Variants in PRDM16 observed in about 807,000 individuals in gnomAD.
PRDM16 encodes histone-lysine N-methyltransferase PRDM16.
PRDM16 carries 23 observed loss-of-function variants against 110.6 expected under a neutral mutation model. The ratio of observed to expected loss-of-function variants is 0.21; its 90% CI spans 0.15 to 0.29. PRDM16 has a LOEUF of 0.29. PRDM16 is among the 10% of genes least tolerant of loss of function. The pLI is 1.00. For missense variants in PRDM16, 1,615 were observed against 1,794.3 expected, an observed-to-expected ratio of 0.90 and a Z score of 1.81; for synonymous variants, 799 against 781.8, an observed-to-expected ratio of 1.02 and a Z score of -0.37.
At chr1:3,234,309 C>T (rs962503817) in intron 2 of PRDM16, among the ~76,000 whole-genome samples, 2 of 152,156 alleles carry the variant, frequency 1.3e-5, no homozygotes, top group African/African-American at 4.8e-5. Flanking sequence ...ACAGTCCTGG[C>T]CACAGGTTGG....
chr1:3,128,292 C>G (rs1643253341), intron 1 of PRDM16, among the ~76,000 whole-genome samples: 1 of 149,430 alleles, frequency 6.7e-6, no homozygotes, highest in East Asian at 2.1e-4. Context: ...ACTTTCAACA[C>G]TGGGTGCCTT....
chr1:3,351,460 C>T (rs1326985094), intron 3 of PRDM16, among the ~76,000 whole-genome samples: 3 of 149,062 alleles, frequency 2.0e-5, no homozygotes, highest in Admixed American at 1.3e-4. Context: ...AGGTCTTCTC[C>T]TTCCCATCCC....
At position 3,434,036 on chromosome 1, in the gene PRDM16, G is replaced by A. The variant is rs1638844917; in HGVS notation, c.*225G>A. 3.9e-6 allele frequency: 2 copies of A among 507,652 alleles called. No individual in the cohort carries two copies. The highest frequency in any genetic ancestry group is 2.8e-5 in the South Asian group (1 of 35,712). The allele number at this position is 507,652 out of a possible 1,614,324, so 31.4% of individuals were successfully genotyped here. The stretch of plus-strand genomic sequence containing the variant: ...TCCAAGGATTGGTCTTGAGAACACT[G>A]TTCAGTGACGGCCATGCAGGTGGCC... On this transcript the variant is annotated 3_prime_UTR_variant, in exon 17 of 17. Coordinates refer to ENST00000270722, the MANE Select transcript of PRDM16 (RefSeq NM_022114.4).
chr1:3,115,353 C>T (rs920546275), intron 1 of PRDM16, among the ~76,000 whole-genome samples: 9 of 152,200 alleles, frequency 5.9e-5, no homozygotes, highest in Non-Finnish European at 1.2e-4. Flanking sequence ...GTGCAGGGGG[C>T]CTGGAAAGTG....
chr1:3,403,626 C>G (rs900860498), intron 6 of PRDM16, among the ~76,000 whole-genome samples: 21 of 152,216 alleles, frequency 1.4e-4, no homozygotes, highest in African/African-American at 4.6e-4. Context: ...TGAGACCAGG[C>G]AGGAGCCAGC....
At chr1:3,168,952 G>A (rs1056643649) in intron 1 of PRDM16, among the ~76,000 whole-genome samples, 1 of 152,156 alleles carries the variant, frequency 6.6e-6, no homozygotes, top group African/African-American at 2.4e-5. Context: ...CTGTGGCCAC[G>A]CCCAGGGTGC....
In PRDM16 at chr1:3,069,619, G is replaced by A. The variant is rs908266000; in HGVS notation, c.37+323G>A. ...GTGGGGGCCGGGGAGGGGGGCGGAG[G>A]GGGAGGGCCGGGGGTGGAGGGGAGC... is the stretch of plus-strand genomic sequence containing the variant. On this transcript the variant is annotated intron_variant, in intron 1 of 16. Transcript: ENST00000270722. The surrounding 1 kb of genome is among the most constrained non-coding windows in gnomAD (Gnocchi z 6.1). Among the ~76,000 whole-genome samples the A allele has an allele frequency of 1.2e-4, 18 of 151,070 alleles. No individual in the cohort carries two copies. The highest frequency in any genetic ancestry group is 3.6e-4 in the African/African-American group (15 of 41,456).
At chr1:3,314,202 G>C (rs1570050254) in intron 3 of PRDM16, among the ~76,000 whole-genome samples, 1 of 151,930 alleles carries the variant, frequency 6.6e-6, no homozygotes, top group South Asian at 2.1e-4. Context: ...TCTCCCACGT[G>C]GTGGGGGAGG....
intron 1 of PRDM16, among the ~76,000 whole-genome samples, chr1:3,183,336 C>T (rs1469322886): frequency 6.6e-6 from 1 of 152,226 alleles, no homozygotes; most frequent in Non-Finnish European, 1.5e-5. Context: ...TCCGGTTGTT[C>T]CGGGGACCCC....
chr1:3,329,364 A>AC (rs1308245866), intron 3 of PRDM16, among the ~76,000 whole-genome samples: 3 of 134,952 alleles, frequency 2.2e-5, no homozygotes, highest in Non-Finnish European at 3.2e-5. Context: ...CCAACCCACC[A>AC]CCCCCCACCC....
intron 3 of PRDM16, among the ~76,000 whole-genome samples, chr1:3,314,290 C>T (rs1422957003): frequency 6.6e-6 from 1 of 152,156 alleles, no homozygotes; most frequent in Non-Finnish European, 1.5e-5. Context: ...CTCTGGGTGG[C>T]TCCTCTCAAC....
At chr1:3,215,663 C>T (rs762389420) in intron 2 of PRDM16, among the ~76,000 whole-genome samples, 27 of 152,190 alleles carry the variant, frequency 1.8e-4, no homozygotes, top group Non-Finnish European at 4.4e-5. Flanking sequence ...GGCTCCAGGC[C>T]ACCCCTCCCT....
chr1:3,233,617 G>T (rs1362089871), intron 2 of PRDM16, among the ~76,000 whole-genome samples: 1 of 152,194 alleles, frequency 6.6e-6, no homozygotes, highest in African/African-American at 2.4e-5. Flanking sequence ...TGCCCAGCAG[G>T]CCTGCAGTAG....
In PRDM16 at chr1:3,302,572, G is replaced by A. The variant is rs1217669360; in HGVS notation, c.438+58435G>A. ...AGCTCAATGAAATGAGGTGTGCCTG[G>A]ATACATTGTCGAGCCATCCTCACTG... is the stretch of plus-strand genomic sequence containing the variant. On this transcript the variant is annotated intron_variant, in intron 3 of 16. Transcript: ENST00000270722. 2.0e-5 allele frequency among the ~76,000 whole-genome samples: 3 copies of A among 152,188 alleles called. No homozygotes were observed. The East Asian group carries it at 5.8e-4, about 29-fold the overall frequency.
intron 3 of PRDM16, among the ~76,000 whole-genome samples, chr1:3,279,451 G>C (rs1236197040): frequency 6.6e-6 from 1 of 152,246 alleles, no homozygotes; most frequent in Non-Finnish European, 1.5e-5. Context: ...CCGCAGAGCT[G>C]CCCTGCCCGG....
At position 3,080,967 on chromosome 1, in the gene PRDM16, T is replaced by C. The variant is rs922962417; in HGVS notation, c.37+11671T>C. On this transcript the variant is annotated intron_variant, in intron 1 of 16. Coordinates refer to ENST00000270722, the MANE Select transcript of PRDM16 (RefSeq NM_022114.4). The surrounding 1 kb of genome is among the most constrained non-coding windows in gnomAD (Gnocchi z 5.2). ...AGAGGGGGTGGCGGGGCGGGGGGGG[T>C]CTGCACATTCCGCCGAGTGTCCTCA... 3.0e-5 allele frequency among the ~76,000 whole-genome samples: 4 copies of C among 134,068 alleles called. No individual in the cohort carries two copies. The highest frequency in any genetic ancestry group is 1.1e-4 in the African/African-American group (4 of 35,260). The allele number at this position is 134,068 out of a possible 152,430, so 88.0% of individuals were successfully genotyped here.
intron 1 of PRDM16, among the ~76,000 whole-genome samples, chr1:3,165,149 C>T (rs1490473582): frequency 4.6e-5 from 7 of 152,218 alleles, no homozygotes; most frequent in East Asian, 1.9e-4. Flanking sequence ...CTGGTGTGAG[C>T]GCCCGTGGGC....
chr1:3,159,189 C>A (rs907763036), intron 1 of PRDM16, among the ~76,000 whole-genome samples: 1 of 152,228 alleles, frequency 6.6e-6, no homozygotes, highest in Admixed American at 6.5e-5. Flanking sequence ...GTACACAGGG[C>A]GGCATGAGAA....
chr1:3,352,484 G>A (rs544433924), intron 3 of PRDM16, among the ~76,000 whole-genome samples: 125 of 152,274 alleles, frequency 8.2e-4, no homozygotes, highest in Non-Finnish European at 1.4e-3. Context: ...TCCGCCCTCC[G>A]CTCTATCATT....
Sources: allele counts gnomAD v4.1 joint callset (sites outside exome capture counted in the v4.1 genomes callset), GRCh38; gene constraint gnomAD v4.1.1; non-coding constraint Gnocchi (gnomAD v3.1); transcripts MANE v1.5; gene names NCBI Gene and HGNC (gene_info 2026-07-23, HGNC 2026-07-21).